The following NSMAF variants were observed in gnomAD, a reference collection of about 807,000 sequenced individuals.
The protein encoded by NSMAF is protein FAN.
In NSMAF, 90 loss-of-function variants were observed where a neutral mutation model predicts 134.9. The observed-to-expected ratio is 0.67, with a 90% CI of 0.56 to 0.79. The LOEUF is 0.79. Ranked by LOEUF, NSMAF falls within the 30% of genes least tolerant of loss-of-function variation. NSMAF has a pLI of 0.00. For synonymous variants in NSMAF, 358 were observed against 389.6 expected (o/e 0.92, Z 0.96); for missense variants, 1,010 against 1,119.0 (o/e 0.90, Z 1.39).
intron 1 of NSMAF, among the ~76,000 whole-genome samples, chr8:58,657,229 CA>C (rs1463935733): frequency 2.6e-5 from 4 of 152,216 alleles, no homozygotes; most frequent in Non-Finnish European, 5.9e-5. Context: ...CAAAGTACAT[CA>C]ACCTAACAAT....
rs1445153236 is a variant in NSMAF at position 58,659,827 on chromosome 8, C to G, written c.-196G>C. 3.4e-6 allele frequency: 1 copy of G among 293,640 alleles called. No homozygotes were observed. Among genetic ancestry groups the G allele is most frequent in the African/African-American group, 2.2e-5 (1 of 45,262 alleles). 18.2% of individuals were successfully genotyped at this position (293,640 alleles called of 1,614,324 possible). A position where few individuals can be genotyped will look rare whatever the true frequency, so the allele number is the denominator to read the frequency against. On this transcript the variant is annotated 5_prime_UTR_variant, in exon 1 of 31. Transcript: ENST00000038176. The stretch of plus-strand genomic sequence containing the variant: ...TCCCGGCCGCGCTCACCGCAGCATC[C>G]TCGCGTGGGGACTCCGGCGGCACCG...
In NSMAF at chr8:58,584,722, T is replaced by C. The variant is rs557479649; in HGVS notation, c.2660-522A>G. ...GCATGATGAAGCTCACTGTAGCCTC[T>C]GTCTCCTGGGCTCAAGCTAGCCTCC... On this transcript the variant is annotated intron_variant, in intron 30 of 30. Transcript: ENST00000038176. Among the ~76,000 whole-genome samples the C allele has an allele frequency of 2.0e-5, 3 of 152,338 alleles. No individual in the cohort carries two copies. In the South Asian group the frequency reaches 6.2e-4, roughly 32 times the overall value.
Position 58,659,660 on chromosome 8 carries a change from G to T in NSMAF, c.-29C>A. 2.2e-6 allele frequency: 3 copies of T among 1,394,122 alleles called. No individual in the cohort carries two copies. Among genetic ancestry groups the T allele is most frequent in the Non-Finnish European group, 2.8e-6 (3 of 1,074,124 alleles). 86.4% of individuals were successfully genotyped at this position (1,394,122 alleles called of 1,614,324 possible). A position where few individuals can be genotyped will look rare whatever the true frequency, so the allele number is the denominator to read the frequency against. On this transcript the variant is annotated 5_prime_UTR_variant, in exon 1 of 31. Transcript: ENST00000038176. ...GGGTAGGCGCGGGCGGGCGCAGAGC[G>T]CACAGGCAGGCCCCGCCGCCGCCTG...
At position 58,635,326 on chromosome 8, in the gene NSMAF, C is replaced by A. The variant is rs761764352; in HGVS notation, c.275G>T (p.Gly92Val). The A allele has an allele frequency of 1.2e-6, 2 of 1,609,702 alleles. No individual in the cohort carries two copies. The highest frequency in any genetic ancestry group is 2.2e-5 in the South Asian group (2 of 89,788). The change falls in exon 4 of 31, where the codon GGA (glycine) becomes GTA (valine). Residue 92 changes from glycine to valine, a missense_variant. Gly to Val is a moderately radical substitution (Grantham distance 109). Transcript: ENST00000038176. ...CIKIGKHGEN[G>V]ANRHFTKAKS... The stretch of plus-strand genomic sequence containing the variant: ...ATACTTTGTGAAGTGTCTATTGGCT[C>A]CATTTTCTCCATGCTTTCCTATTTT...
chr8:58,597,221 C>T, intron 21 of NSMAF, among the ~76,000 whole-genome samples, 166 bp downstream of exon 21: 1 of 152,158 alleles, frequency 6.6e-6, no homozygotes, highest in Non-Finnish European at 1.5e-5. Flanking sequence ...AAACAAACAA[C>T]ATCAGCAAAA....
intron 7 of NSMAF, 62 bp from the exon 8 acceptor site, chr8:58,623,486 T>C (rs939125530): frequency 9.9e-6 from 15 of 1,511,738 alleles, no homozygotes; most frequent in Non-Finnish European, 1.4e-5. Flanking sequence ...AGTATTTCTT[T>C]AGAAGCAATG....
At chr8:58,634,337 T>A (rs1807122509) in intron 5 of NSMAF, among the ~76,000 whole-genome samples, 1 of 152,166 alleles carries the variant, frequency 6.6e-6, no homozygotes, top group African/African-American at 2.4e-5. Context: ...AACAAAAGGC[T>A]TCAGTGATAG....
intron 2 of NSMAF, among the ~76,000 whole-genome samples, chr8:58,640,510 A>C (rs1308198318): frequency 6.6e-6 from 1 of 152,180 alleles, no homozygotes; most frequent in Non-Finnish European, 1.5e-5. Flanking sequence ...ATAGTTTCAA[A>C]ATAATAATAC....
At chr8:58,613,277 G>A (rs1027957657) in intron 9 of NSMAF, among the ~76,000 whole-genome samples, 13 of 152,118 alleles carry the variant, frequency 8.5e-5, no homozygotes, top group African/African-American at 2.7e-4. Context: ...ACTGTATTGT[G>A]GGTTTTATGG....
intron 1 of NSMAF, among the ~76,000 whole-genome samples, chr8:58,645,704 A>G (rs1387386395): frequency 6.6e-6 from 1 of 151,748 alleles, no homozygotes; most frequent in Non-Finnish European, 1.5e-5. Context: ...TATCCCTACA[A>G]AGAAGAAGTT....
Position 58,606,052 on chromosome 8 carries a change from A to AACATAATAAAAT in NSMAF, c.760-18_760-17insATTTTATTATGT. 1 of 1,485,236 alleles carries AACATAATAAAAT rather than the reference A, an allele frequency of 6.7e-7. No individual in the cohort carries two copies. The allele number at this position is 1,485,236 out of a possible 1,614,324, so 92.0% of individuals were successfully genotyped here. A position where few individuals can be genotyped will look rare whatever the true frequency, so the allele number is the denominator to read the frequency against. ...TTCCAAGCCCTATAAATTCAAAAAGAAAATAATAAAATAAATAGCATTGTA... is the reference window on the plus strand; with the variant it reads ...TTCCAAGCCCTATAAATTCAAAAAGAACATAATAAAATAAATAATAAAATAAATAGCATTGTA... On this transcript the variant is annotated splice_polypyrimidine_tract_variant and intron_variant, in intron 11 of 30. Transcript: ENST00000038176.
chr8:58,628,255 A>C (rs1348455057), intron 6 of NSMAF, among the ~76,000 whole-genome samples: 5 of 152,184 alleles, frequency 3.3e-5, no homozygotes, highest in Admixed American at 2.0e-4. Context: ...TCAAAGACTT[A>C]AACCTAAAAC....
intron 25 of NSMAF, chr8:58,589,798 T>A: frequency 3.2e-6 from 2 of 623,152 alleles, no homozygotes; most frequent in Non-Finnish European, 2.6e-6. Flanking sequence ...ATTTAAAACT[T>A]AGAGAAAAAC....
chr8:58,584,289 A>G lies in NSMAF; in HGVS notation c.2660-89T>C, dbSNP rs1432882179. ...CTCTGATGCTTACTCTTGCTTTGCT[A>G]TTCATTTACTAAACAAGTGAAGTAA... is the stretch of plus-strand genomic sequence containing the variant. On this transcript the variant is annotated intron_variant, in intron 30 of 30. Transcript: ENST00000038176. 5 of 889,106 alleles carry G rather than the reference A, an allele frequency of 5.6e-6. No individual in the cohort carries two copies. The East Asian group carries it at 7.4e-5, about 13-fold the overall frequency. The allele number at this position is 889,106 out of a possible 1,614,324, so 55.1% of individuals were successfully genotyped here. A position where few individuals can be genotyped will look rare whatever the true frequency, so the allele number is the denominator to read the frequency against.
At chr8:58,632,723 G>A (rs1807082086) in intron 5 of NSMAF, among the ~76,000 whole-genome samples, 2 of 152,140 alleles carry the variant, frequency 1.3e-5, no homozygotes, top group Non-Finnish European at 2.9e-5. Context: ...TGTCTTGCTA[G>A]CCTCTGCCTC....
intron 10 of NSMAF, among the ~76,000 whole-genome samples, chr8:58,608,724 G>C (rs958070717): frequency 1.3e-5 from 2 of 152,182 alleles, no homozygotes; most frequent in African/African-American, 4.8e-5. Flanking sequence ...GTGTCTACTG[G>C]AGAACTAGGA....
At chr8:58,655,646 G>A (rs951723103) in intron 1 of NSMAF, among the ~76,000 whole-genome samples, 15 of 152,016 alleles carry the variant, frequency 9.9e-5, no homozygotes, top group Non-Finnish European at 2.2e-4. Context: ...TGCCTTTAAC[G>A]CCTGTAATCC....
intron 11 of NSMAF, among the ~76,000 whole-genome samples, chr8:58,607,384 T>C (rs1209401134): frequency 6.6e-6 from 1 of 152,236 alleles, no homozygotes; most frequent in Non-Finnish European, 1.5e-5. Context: ...AGAAGTAATT[T>C]TGTAACATCT....
At chr8:58,630,766 C>G (rs1807040579) in intron 6 of NSMAF, among the ~76,000 whole-genome samples, 1 of 152,152 alleles carries the variant, frequency 6.6e-6, no homozygotes, top group Non-Finnish European at 1.5e-5. Context: ...AACCCAGAGG[C>G]CACTGAGTAT....
Sources: allele counts gnomAD v4.1 joint callset (sites outside exome capture counted in the v4.1 genomes callset), GRCh38; gene constraint gnomAD v4.1.1; transcripts MANE v1.5; gene names NCBI Gene and HGNC (gene_info 2026-07-23, HGNC 2026-07-21).